The following RCBTB1 variants were observed in gnomAD, a reference collection of about 807,000 sequenced individuals.
RCBTB1 encodes the protein RCC1 and BTB domain containing protein 1, also known as RCC1 and BTB domain-containing protein 1.
RCBTB1 carries 46 observed loss-of-function variants against 62.4 expected under a neutral mutation model. The ratio of observed to expected loss-of-function variants is 0.74; its 90% CI spans 0.58 to 0.94. The LOEUF is 0.94. Among genes scored for constraint, RCBTB1 ranks in the 40% least tolerant of loss-of-function variants. RCBTB1 has a pLI of 0.00. For synonymous variants in RCBTB1, 222 were observed against 245.8 expected, an observed-to-expected ratio of 0.90 and a Z score of 0.91; for missense variants, 565 against 654.9, an observed-to-expected ratio of 0.86 and a Z score of 1.50.
At chr13:49,571,768 C>T (rs965685004) in intron 2 of RCBTB1, among the ~76,000 whole-genome samples, 3 of 152,282 alleles carry the variant, frequency 2.0e-5, no homozygotes, top group African/African-American at 4.8e-5. Context: ...TTCTAATTTA[C>T]TCAAAATTAC....
chr13:49,582,468 CA>C (rs1964160191), intron 1 of RCBTB1, among the ~76,000 whole-genome samples: 1 of 152,018 alleles, frequency 6.6e-6, no homozygotes, highest in Non-Finnish European at 1.5e-5. Context: ...GCCTGGGCAA[CA>C]AAAGCAAAAT....
chr13:49,557,766 A>AAT (rs1555287170), intron 5 of RCBTB1, among the ~76,000 whole-genome samples: 1 of 150,760 alleles, frequency 6.6e-6, no homozygotes, highest in East Asian at 1.9e-4. Context: ...ACAAAAAAAA[A>AAT]TTTTTTTTTT....
intron 5 of RCBTB1, among the ~76,000 whole-genome samples, chr13:49,558,068 G>A (rs1470078408): frequency 6.6e-6 from 1 of 152,196 alleles, no homozygotes; most frequent in Non-Finnish European, 1.5e-5. Context: ...ACACTAATGA[G>A]AAAAAATGTC....
chr13:49,569,147 C>A (rs1311187827), intron 2 of RCBTB1, among the ~76,000 whole-genome samples: 1 of 152,214 alleles, frequency 6.6e-6, no homozygotes, highest in Non-Finnish European at 1.5e-5. Context: ...ACCTCTCACT[C>A]ACATTTTAAG....
At chr13:49,580,769 C>T (rs1185960799) in intron 1 of RCBTB1, among the ~76,000 whole-genome samples, 185 bp from the exon 2 acceptor site, 1 of 152,212 alleles carries the variant, frequency 6.6e-6, no homozygotes, top group Non-Finnish European at 1.5e-5. Context: ...CAACTGTACC[C>T]TGCAATGACC....
chr13:49,576,650 T>C (rs1963805530), intron 2 of RCBTB1, among the ~76,000 whole-genome samples: 1 of 152,180 alleles, frequency 6.6e-6, no homozygotes, highest in Non-Finnish European at 1.5e-5. Context: ...ATCTTGATAA[T>C]TATAAAAATG....
chr13:49,552,255 G>T lies in RCBTB1; in HGVS notation c.634C>A (p.Gln212Lys). ...TTGCCATTGTTTCCCAGGCCCAGCT[G>T]ACCGTTGCCATTGTAACCCCAGCCA... ...VYGWGYNGNG[Q>K]LGLGNNGNQL... Residue 212 changes from glutamine (Q) to lysine (K), a missense_variant, in exon 7 of 13, where the codon CAG (glutamine) becomes AAG (lysine). Physicochemically the swap from Gln to Lys is moderately conservative, Grantham distance 53. Transcript: ENST00000378302. 1 of 1,602,452 alleles carries T rather than the reference G, an allele frequency of 6.2e-7. No individual in the cohort carries two copies. Among genetic ancestry groups the T allele is most frequent in the South Asian group, 1.1e-5 (1 of 88,870 alleles).
intron 12 of RCBTB1, among the ~76,000 whole-genome samples, chr13:49,535,698 T>G (rs2139110278): frequency 6.6e-6 from 1 of 152,096 alleles, no homozygotes; most frequent in Admixed American, 6.5e-5. Context: ...TAGAGTAAAC[T>G]CCAGAAACCC....
intron 8 of RCBTB1, among the ~76,000 whole-genome samples, chr13:49,550,946 T>C (rs1436443739): frequency 6.6e-6 from 1 of 151,866 alleles, no homozygotes; most frequent in East Asian, 1.9e-4. Context: ...TACTAAAAAA[T>C]ACAAAAATTA....
chr13:49,541,870 T>A, intron 10 of RCBTB1, 43 bp from the exon 11 acceptor site: 1 of 1,550,666 alleles, frequency 6.4e-7, no homozygotes, highest in Non-Finnish European at 8.7e-7. Context: ...AGCAGCAATT[T>A]TTAAAAAAGA....
intron 2 of RCBTB1, among the ~76,000 whole-genome samples, chr13:49,573,376 T>C (rs1963541485): frequency 6.6e-6 from 1 of 152,094 alleles, no homozygotes; most frequent in South Asian, 2.1e-4. Context: ...GTCAGCAGGG[T>C]TGTGGCCAGA....
chr13:49,551,599 A>G (rs923827101), intron 7 of RCBTB1, 131 bp from the exon 8 acceptor site: 1 of 1,073,180 alleles, frequency 9.3e-7, no homozygotes, highest in Non-Finnish European at 1.3e-6. Flanking sequence ...ATTTGCTGGA[A>G]CATTAAAAAA....
Position 49,533,714 on chromosome 13 carries a change from C to G in RCBTB1, c.*408G>C, listed in dbSNP as rs1959717285. 6.5e-6 allele frequency: 1 copy of G among 154,546 alleles called. No homozygotes were observed. Among genetic ancestry groups the G allele is most frequent in the African/African-American group, 2.4e-5 (1 of 41,498 alleles). 9.6% of individuals were successfully genotyped at this position (154,546 alleles called of 1,614,324 possible). On this transcript the variant is annotated 3_prime_UTR_variant, in exon 13 of 13. Transcript: ENST00000378302. ...TAATTCACGATGGGGCCTCTCCATT[C>G]ATCTCACAATTCCCCAACTATCACT...
chr13:49,581,393 G>A lies in RCBTB1; in HGVS notation c.-121-809C>T, dbSNP rs75896169. ...AAGATCACAGGCAGACGCTGAGCTT[G>A]AGTGAGAGAGAACTGTGCTGCCACT... is the stretch of plus-strand genomic sequence containing the variant. On this transcript the variant is annotated intron_variant, in intron 1 of 12. Coordinates refer to ENST00000378302, the MANE Select transcript of RCBTB1 (RefSeq NM_018191.4). Among the ~76,000 whole-genome samples the A allele has an allele frequency of 3.1e-4, 47 of 152,356 alleles. No homozygotes were observed. The East Asian group carries it at 8.3e-3, about 27-fold the overall frequency.
intron 4 of RCBTB1, among the ~76,000 whole-genome samples, chr13:49,566,303 T>TAAAA (rs58998549): frequency 3.4e-5 from 3 of 89,522 alleles, no homozygotes; most frequent in East Asian, 3.4e-4. Flanking sequence ...AATAAATAAA[T>TAAAA]AAAAAAGTTG....
intron 9 of RCBTB1, among the ~76,000 whole-genome samples, chr13:49,548,598 T>C (rs1481090121): frequency 1.3e-5 from 2 of 151,688 alleles, no homozygotes; most frequent in Non-Finnish European, 2.9e-5. Context: ...ATGGTGTATA[T>C]ATATATAATG....
chr13:49,555,436 G>A (rs1961763651), intron 6 of RCBTB1, 79 bp downstream of exon 6: 1 of 1,191,178 alleles, frequency 8.4e-7, no homozygotes, highest in Admixed American at 1.8e-5. Context: ...TCTTCCATCT[G>A]ATACATTCAC....
chr13:49,549,485 C>A lies in RCBTB1; in HGVS notation c.1018G>T (p.Ala340Ser). The change falls in exon 9 of 13, where the codon GCC becomes TCC. Residue 340 changes from alanine to serine, a missense_variant. Transcript: ENST00000378302. ...DDVFACFATP[A>S]VSWRLLSVEH... ...ACAGACAGGAGGCGCCACGAGACGG[C>A]GGGAGTGGCAAAGCAGGCAAACACG... is the stretch of plus-strand genomic sequence containing the variant. The A allele has an allele frequency of 6.2e-7, 1 of 1,612,480 alleles. No individual in the cohort carries two copies. Among genetic ancestry groups the A allele is most frequent in the Non-Finnish European group, 8.5e-7 (1 of 1,178,954 alleles).
intron 11 of RCBTB1, 81 bp downstream of exon 11, chr13:49,541,595 C>T: frequency 1.5e-6 from 2 of 1,359,610 alleles, no homozygotes; most frequent in Non-Finnish European, 2.0e-6. Flanking sequence ...ACACCTGAAG[C>T]TTTTTACATT....
Sources: gnomAD v4.1 joint callset for allele counts (sites outside exome capture counted in the v4.1 genomes callset) on GRCh38, gnomAD v4.1.1 for gene constraint, MANE v1.5 for transcripts, NCBI Gene and HGNC (gene_info 2026-07-23, HGNC 2026-07-21) for gene names.